Variants in NXPE4 observed in about 807,000 individuals in gnomAD.
NXPE4 encodes NXPE family member 4.
NXPE4 carries 42 observed loss-of-function variants against 33.3 expected under a neutral mutation model. The observed-to-expected ratio is 1.26, with a 90% CI of 0.98 to 1.63. The LOEUF is 1.63. Ranked by LOEUF, NXPE4 falls within the 40% of genes most tolerant of loss-of-function variation. The pLI, the probability that NXPE4 is intolerant of heterozygous loss-of-function variation, is 0.00. For synonymous variants in NXPE4, 253 were observed against 234.9 expected (o/e 1.08, Z -0.71); for missense variants, 709 against 647.6 (o/e 1.09, Z -1.03).
intron 5 of NXPE4, among the ~76,000 whole-genome samples, chr11:114,575,605 A>C (rs1948979394): frequency 6.6e-6 from 1 of 152,042 alleles, no homozygotes; most frequent in Non-Finnish European, 1.5e-5. Context: ...CTGTAAAATA[A>C]AATAAAATAA....
the NXPE4 span, among the ~76,000 whole-genome samples, chr11:114,639,769 AAAT>A: frequency 2.3e-5 from 3 of 129,084 alleles, no homozygotes; most frequent in East Asian, 2.1e-4. Flanking sequence ...ATTAAATATA[AAAT>A]AATATAAAAT....
chr11:114,586,956 C>T (rs1949314768), intron 2 of NXPE4, among the ~76,000 whole-genome samples: 1 of 152,076 alleles, frequency 6.6e-6, no homozygotes, highest in East Asian at 1.9e-4. Context: ...GTCCTCCTTC[C>T]CTCCCCACAC....
At chr11:114,659,496 A>T in the NXPE4 span, among the ~76,000 whole-genome samples, 3 of 151,274 alleles carry the variant, frequency 2.0e-5, no homozygotes, top group African/African-American at 7.3e-5. Flanking sequence ...AGAGATGTGA[A>T]ATAATATCAA....
At position 114,582,762 on chromosome 11, in the gene NXPE4, A is replaced by T; in HGVS notation, c.356T>A (p.Ile119Asn). ...DTYCRGDQLH[I>N]LLEVRDHLGR... Reference sequence around the variant, plus strand: ...CAAGTGGTCCCTCACCTCCAGCAGGATGTGCAGCTGGTCTCCCCTGCAGTA... The same window carrying T: ...CAAGTGGTCCCTCACCTCCAGCAGGTTGTGCAGCTGGTCTCCCCTGCAGTA... The change falls in exon 3 of 6, where the codon ATC (isoleucine) becomes AAC (asparagine). Residue 119 changes from isoleucine to asparagine, a missense_variant. Ile to Asn is a moderately radical substitution (Grantham distance 149). Coordinates refer to ENST00000375478, the MANE Select transcript of NXPE4 (RefSeq NM_001077639.2). 6.2e-7 allele frequency: 1 copy of T among 1,614,084 alleles called. No homozygotes were observed. Among genetic ancestry groups the T allele is most frequent in the Non-Finnish European group, 8.5e-7 (1 of 1,179,996 alleles).
chr11:114,621,324 C>T, the NXPE4 span, among the ~76,000 whole-genome samples: 3 of 152,066 alleles, frequency 2.0e-5, no homozygotes, highest in African/African-American at 7.2e-5. Flanking sequence ...TCCACTGTTA[C>T]CCGCTGGATA....
At chr11:114,611,976 T>C in the NXPE4 span, among the ~76,000 whole-genome samples, 13 of 152,074 alleles carry the variant, frequency 8.5e-5, no homozygotes, top group African/African-American at 3.1e-4. Context: ...GCCTCGTGGG[T>C]AACCACAGTT....
In NXPE4 at chr11:114,574,338, G is replaced by GA. The variant is rs202048981; in HGVS notation, c.1100-2866dup. 3.1e-3 allele frequency among the ~76,000 whole-genome samples: 463 copies of GA among 149,022 alleles called. 3 individuals are homozygous for GA. The highest frequency in any genetic ancestry group is 0.011 in the African/African-American group (438 of 40,750). ...GAATAATCCAAACCCAAACCTGGCA[G>GA]AAAAAAAAATAATGAAGATCAGAGC... is the stretch of plus-strand genomic sequence containing the variant. On this transcript the variant is annotated intron_variant, in intron 5 of 5. Coordinates refer to ENST00000375478, the MANE Select transcript of NXPE4 (RefSeq NM_001077639.2).
At chr11:114,642,657 C>T in the NXPE4 span, among the ~76,000 whole-genome samples, 11,639 of 152,130 alleles carry the variant, frequency 0.077, 507 homozygotes, top group South Asian at 0.1. Flanking sequence ...TTTATCCAGT[C>T]TATTATTGAT....
intron 5 of NXPE4, among the ~76,000 whole-genome samples, chr11:114,577,099 A>C (rs893913014): frequency 5.0e-5 from 7 of 140,476 alleles, no homozygotes; most frequent in South Asian, 2.2e-4. Flanking sequence ...ATATATATAA[A>C]GTTATATATA....
the NXPE4 span, among the ~76,000 whole-genome samples, chr11:114,669,369 T>C: frequency 1.3e-5 from 2 of 152,060 alleles, no homozygotes; most frequent in East Asian, 3.9e-4. Context: ...AAAGCTCTAC[T>C]CTGGCAGGTG....
the NXPE4 span, among the ~76,000 whole-genome samples, chr11:114,632,064 A>T: frequency 7.4e-6 from 1 of 135,196 alleles, no homozygotes; most frequent in African/African-American, 2.7e-5. Flanking sequence ...ATATGTAAGA[A>T]TTGTATAGTA....
Position 114,582,514 on chromosome 11 carries a change from C to G in NXPE4, c.604G>C (p.Val202Leu). The part of the protein sequence containing the change: ...WSARNQGYDR[V>L]IFTGQFVNGT... ...TTGACAAACTGGCCAGTGAAGATCA[C>G]CCTGTCATAGCCTTGGTTCCTTGCA... Residue 202 changes from valine (V) to leucine (L), a missense_variant, in exon 3 of 6, where the codon GTG (valine) becomes CTG (leucine). Transcript: ENST00000375478. 1.2e-6 allele frequency: 2 copies of G among 1,614,156 alleles called. No individual in the cohort carries two copies. The highest frequency in any genetic ancestry group is 1.7e-6 in the Non-Finnish European group (2 of 1,180,014).
At chr11:114,645,683 A>T in the NXPE4 span, among the ~76,000 whole-genome samples, 4 of 152,236 alleles carry the variant, frequency 2.6e-5, no homozygotes, top group African/African-American at 9.6e-5. Context: ...GGGAAAGAAA[A>T]CCCAAAAGAA....
chr11:114,613,770 C>G, the NXPE4 span, among the ~76,000 whole-genome samples: 10 of 151,928 alleles, frequency 6.6e-5, no homozygotes, highest in South Asian at 2.1e-3. Flanking sequence ...ATAAGTGTTG[C>G]CTGGTGGGTA....
chr11:114,616,289 T>A, the NXPE4 span, among the ~76,000 whole-genome samples: 33 of 151,706 alleles, frequency 2.2e-4, 1 homozygote, highest in African/African-American at 6.8e-4. Flanking sequence ...GTAGCCACTG[T>A]AAGCCCCTGG....
chr11:114,582,574 T>G lies in NXPE4; in HGVS notation c.544A>C (p.Ile182Leu). The G allele has an allele frequency of 6.2e-7, 1 of 1,614,178 alleles. No homozygotes were observed. The change falls in exon 3 of 6, where the codon ATC becomes CTC. Residue 182 changes from isoleucine (I) to leucine (L), a missense_variant. Coordinates refer to ENST00000375478, the MANE Select transcript of NXPE4 (RefSeq NM_001077639.2). Reference protein sequence around the residue: ...EGQVSLSLLLIHPSEGVSALW... With the variant: ...EGQVSLSLLLLHPSEGVSALW... The stretch of plus-strand genomic sequence containing the variant: ...GCTGACACCCCTTCACTGGGGTGGA[T>G]GAGCAGCAGAGACAGAGAGACCTGG...
At chr11:114,620,427 G>A in the NXPE4 span, among the ~76,000 whole-genome samples, 4 of 152,094 alleles carry the variant, frequency 2.6e-5, no homozygotes, top group Non-Finnish European at 5.9e-5. Context: ...TGAGTCATGG[G>A]TAACCACTGT....
At chr11:114,622,573 T>G in the NXPE4 span, among the ~76,000 whole-genome samples, 12 of 152,204 alleles carry the variant, frequency 7.9e-5, no homozygotes, top group East Asian at 2.1e-3. Context: ...GGGTAACCAC[T>G]GCTACCCGGT....
At chr11:114,625,840 T>G in the NXPE4 span, among the ~76,000 whole-genome samples, 4 of 152,190 alleles carry the variant, frequency 2.6e-5, no homozygotes, top group African/African-American at 9.6e-5. Flanking sequence ...AGCTGAAGCA[T>G]GGTGAGGCAT....
Sources: allele counts gnomAD v4.1 joint callset (sites outside exome capture counted in the v4.1 genomes callset), GRCh38; gene constraint gnomAD v4.1.1; transcripts MANE v1.5; gene names NCBI Gene and HGNC (gene_info 2026-07-23, HGNC 2026-07-21).